Variants in GABRA1 observed in about 807,000 individuals in gnomAD.
GABRA1 encodes gamma-aminobutyric acid type A receptor subunit alpha1.
In GABRA1, 9 loss-of-function variants were observed where a neutral mutation model predicts 48.9. The ratio of observed to expected loss-of-function variants is 0.18; its 90% confidence interval spans 0.11 to 0.32. GABRA1 has a LOEUF of 0.32. GABRA1 is among the 10% of genes least tolerant of loss of function. The pLI is 1.00. For missense variants in GABRA1, 285 were observed against 553.8 expected, an observed-to-expected ratio of 0.51 and a Z score of 4.87; for synonymous variants, 210 against 198.7, an observed-to-expected ratio of 1.06 and a Z score of -0.48.
chr5:161,893,038 AT>A (rs1755184411), intron 8 of GABRA1, among the ~76,000 whole-genome samples: 1 of 142,822 alleles, frequency 7.0e-6, no homozygotes, highest in African/African-American at 2.6e-5. Flanking sequence ...AATAATAATA[AT>A]AATAATAATA....
upstream of GABRA1, chr5:161,848,100 C>G (rs962191575): frequency 3.3e-5 from 5 of 152,328 alleles, no homozygotes; most frequent in South Asian, 2.1e-4. Flanking sequence ...AATAAAATCT[C>G]TCTGGCATGA....
chr5:161,857,031 G>C (rs1757676527), intron 3 of GABRA1, among the ~76,000 whole-genome samples: 1 of 150,922 alleles, frequency 6.6e-6, no homozygotes, highest in African/African-American at 2.4e-5. Flanking sequence ...TTGCAAAACA[G>C]ACCCTCCCTT....
chr5:161,850,773 T>G lies in GABRA1; in HGVS notation c.-15-23T>G, dbSNP rs534129599. On this transcript the variant is annotated intron_variant, in intron 1 of 9. Transcript: ENST00000393943. ...TGATGTTTCTTGCTAGAGACATTGATCTCTACTTATTCTACTTTTCAGCTG... is the reference window on the plus strand; with the variant it reads ...TGATGTTTCTTGCTAGAGACATTGAGCTCTACTTATTCTACTTTTCAGCTG... 4 of 1,593,670 alleles carry G rather than the reference T, an allele frequency of 2.5e-6. No homozygotes were observed. The South Asian group carries it at 3.3e-5, about 13-fold the overall frequency.
At chr5:161,893,099 TACA>T (rs1755194805) in intron 8 of GABRA1, among the ~76,000 whole-genome samples, 1 of 151,060 alleles carries the variant, frequency 6.6e-6, no homozygotes, top group Non-Finnish European at 1.5e-5. Context: ...GTAGTATGAG[TACA>T]ACACTATATT....
At chr5:161,865,034 T>C (rs1284766185) in intron 3 of GABRA1, among the ~76,000 whole-genome samples, 2 of 152,062 alleles carry the variant, frequency 1.3e-5, no homozygotes, top group Non-Finnish European at 2.9e-5. Context: ...GTTCAGTTAT[T>C]ATAGCACTAT....
At chr5:161,862,405 T>A (rs1309385709) in intron 3 of GABRA1, among the ~76,000 whole-genome samples, 1 of 151,882 alleles carries the variant, frequency 6.6e-6, no homozygotes, top group Non-Finnish European at 1.5e-5. Flanking sequence ...TTTTTTTTAA[T>A]TTTTTTCCTC....
rs139987413 is a variant in GABRA1 at position 161,865,835 on chromosome 5, T to G, written c.255+47T>G. 6.3e-5 allele frequency: 97 copies of G among 1,532,156 alleles called. No homozygotes were observed. The African/African-American group carries it at 1.2e-3, about 19-fold the overall frequency. 94.9% of individuals were successfully genotyped at this position (1,532,156 alleles called of 1,614,324 possible). Reference sequence around the variant, plus strand: ...GCTTTTCTTGAAGAATTTTTAAAATTTAACTTTTCAAAGAAAAATATAAAC... The same window carrying G: ...GCTTTTCTTGAAGAATTTTTAAAATGTAACTTTTCAAAGAAAAATATAAAC... On this transcript the variant is annotated intron_variant, in intron 4 of 9. Coordinates refer to ENST00000393943, the MANE Select transcript of GABRA1 (RefSeq NM_001127644.2).
In GABRA1 at chr5:161,890,880, G is replaced by T. The variant is rs758058259; in HGVS notation, c.704-18G>T. ...TAAAGTCAAATTGCTCATCTTTCTT[G>T]TGTGTTTTACTTCTCAGGAGAATAT... is the stretch of plus-strand genomic sequence containing the variant. On this transcript the variant is annotated intron_variant, in intron 7 of 9. Coordinates refer to ENST00000393943, the MANE Select transcript of GABRA1 (RefSeq NM_001127644.2). 1 of 1,611,628 alleles carries T rather than the reference G, an allele frequency of 6.2e-7. No individual in the cohort carries two copies. Among genetic ancestry groups the T allele is most frequent in the East Asian group, 2.2e-5 (1 of 44,812 alleles).
chr5:161,849,469 G>C (rs995131406), intron 1 of GABRA1, among the ~76,000 whole-genome samples: 1 of 152,010 alleles, frequency 6.6e-6, no homozygotes, highest in Non-Finnish European at 1.5e-5. Context: ...CTAAATTAAG[G>C]AAAAGCTATG....
intron 8 of GABRA1, 34 bp downstream of exon 8, chr5:161,891,084 G>C (rs922381970): frequency 1.9e-6 from 3 of 1,598,878 alleles, no homozygotes; most frequent in Non-Finnish European, 2.6e-6. Context: ...CGCAAGGAAG[G>C]GTATGGAAGA....
Position 161,893,006 on chromosome 5 carries a change from AAAAAATAATAATAATAAT to A in GABRA1, c.856+1959_856+1976del, listed in dbSNP as rs1244690042. On this transcript the variant is annotated intron_variant, in intron 8 of 9. Coordinates refer to ENST00000393943, the MANE Select transcript of GABRA1 (RefSeq NM_001127644.2). ...AGCAACAGAGCGAGACTCCTTCTCA[AAAAAATAATAATAATAAT>A]AATAATAATAATAATAATAATAATA... 1.0e-4 allele frequency among the ~76,000 whole-genome samples: 5 copies of A among 48,522 alleles called. 1 individual carries two copies. Among genetic ancestry groups the A allele is most frequent in the African/African-American group, 2.6e-4 (3 of 11,704 alleles). 31.8% of individuals were successfully genotyped at this position (48,522 alleles called of 152,430 possible).
At chr5:161,896,188 G>C (rs1328906865) in intron 9 of GABRA1, among the ~76,000 whole-genome samples, 1 of 152,188 alleles carries the variant, frequency 6.6e-6, no homozygotes, top group Middle Eastern at 3.4e-3. Context: ...AATAAACTTA[G>C]TCAAATCCTT....
chr5:161,883,078 T>C (rs1273954704), intron 7 of GABRA1, among the ~76,000 whole-genome samples: 1 of 152,146 alleles, frequency 6.6e-6, no homozygotes, highest in African/African-American at 2.4e-5. Context: ...TCTTAAAGAG[T>C]ACTTATCACA....
upstream of GABRA1, chr5:161,847,920 T>G (rs1757273447): frequency 6.6e-6 from 1 of 150,904 alleles, no homozygotes; most frequent in Non-Finnish European, 1.5e-5. Context: ...CCCTCCCCCA[T>G]TGCCGCTCCC....
At chr5:161,870,517 T>C (rs1754062374) in intron 4 of GABRA1, among the ~76,000 whole-genome samples, 1 of 146,386 alleles carries the variant, frequency 6.8e-6, no homozygotes, top group South Asian at 2.1e-4. Flanking sequence ...CAGTGAGCTA[T>C]GACCGCGTTA....
rs1223007543 is a variant in GABRA1 at position 161,854,884 on chromosome 5, A to G, written c.187+614A>G. On this transcript the variant is annotated intron_variant, in intron 3 of 9. Coordinates refer to ENST00000393943, the MANE Select transcript of GABRA1 (RefSeq NM_001127644.2). Reference sequence around the variant, plus strand: ...TAGGAAGAAGACAGCACTTAATAACATAATATATATATAACAATAAGAGTA... The same window carrying G: ...TAGGAAGAAGACAGCACTTAATAACGTAATATATATATAACAATAAGAGTA... Among the ~76,000 whole-genome samples the G allele has an allele frequency of 5.9e-5, 9 of 151,556 alleles. 1 individual carries two copies. The highest frequency in any genetic ancestry group is 1.3e-4 in the Non-Finnish European group (9 of 67,612).
At chr5:161,865,933 T>C (rs765109967) in intron 4 of GABRA1, 145 bp downstream of exon 4, 3 of 640,040 alleles carry the variant, frequency 4.7e-6, no homozygotes, top group Non-Finnish European at 8.3e-6. Context: ...ATGTAATATG[T>C]AATATAATAT....
upstream of GABRA1, chr5:161,847,216 G>A (rs867103970): frequency 6.6e-5 from 10 of 152,054 alleles, no homozygotes; most frequent in African/African-American, 2.4e-4. Context: ...AGAAGGGGGG[G>A]GAAAAGTAGA....
chr5:161,847,823 G>A (rs976679091), upstream of GABRA1: 7 of 152,038 alleles, frequency 4.6e-5, no homozygotes, highest in African/African-American at 1.7e-4. Context: ...ATTTTTAATG[G>A]GCTCACCTTA....
Sources: gnomAD v4.1 joint callset for allele counts (sites outside exome capture counted in the v4.1 genomes callset) on GRCh38, gnomAD v4.1.1 for gene constraint, MANE v1.5 for transcripts, NCBI Gene and HGNC (gene_info 2026-07-23, HGNC 2026-07-21) for gene names.